The following ANO6 variants were observed in gnomAD, a reference collection of about 807,000 sequenced individuals.
The protein encoded by ANO6 is anoctamin-6.
ANO6 carries 106 observed loss-of-function variants against 117.5 expected under a neutral mutation model. The observed-to-expected ratio is 0.90, with a 90% CI of 0.77 to 1.06. The LOEUF is 1.06. Among genes scored for constraint, ANO6 ranks in the 50% least tolerant of loss-of-function variants. The pLI is 0.00. For missense variants in ANO6, 955 were observed against 1,121.1 expected (o/e 0.85, Z 2.12); for synonymous variants, 367 against 385.1 (o/e 0.95, Z 0.55).
At chr12:45,219,934 A>G (rs985160218) in intron 1 of ANO6, among the ~76,000 whole-genome samples, 2 of 152,104 alleles carry the variant, frequency 1.3e-5, no homozygotes, top group African/African-American at 4.8e-5. Context: ...GAGATCACAT[A>G]TTGTTGCAAG....
intron 1 of ANO6, among the ~76,000 whole-genome samples, chr12:45,217,743 G>GT (rs1332917466): frequency 6.6e-6 from 1 of 152,152 alleles, no homozygotes; most frequent in Non-Finnish European, 1.5e-5. Flanking sequence ...TGTTACTACT[G>GT]TTTAGCAAGA....
In ANO6 at chr12:45,388,269, G is replaced by A. The variant is rs142960268; in HGVS notation, c.1274G>A (p.Arg425Gln). 2.5e-3 allele frequency: 4,058 copies of A among 1,614,100 alleles called. 7 individuals are homozygous for A. Among genetic ancestry groups the A allele is most frequent in the Non-Finnish European group, 3.2e-3 (3,777 of 1,179,990 alleles). Residue 425 changes from arginine (R) to glutamine (Q), a missense_variant, in exon 11 of 20, where the codon CGA (arginine) becomes CAA (glutamine). Arg to Gln is a conservative substitution (Grantham distance 43). Coordinates refer to ENST00000320560, the MANE Select transcript of ANO6 (RefSeq NM_001025356.3). Reference protein sequence around the residue: ...EEQARPEYEARCTHVVINEIT... With the variant: ...EEQARPEYEAQCTHVVINEIT... ...CAAGCCCGACCAGAATACGAAGCAC[G>A]ATGTACTCACGTAGTGATAAATGAG...
At chr12:45,393,398 G>A (rs1239404477) in intron 12 of ANO6, among the ~76,000 whole-genome samples, 11 of 152,172 alleles carry the variant, frequency 7.2e-5, no homozygotes, top group Admixed American at 7.2e-4. Flanking sequence ...CAGAGAGAAT[G>A]GAACCAAGTT....
At chr12:45,303,881 C>T (rs191749363) in intron 2 of ANO6, among the ~76,000 whole-genome samples, 409 of 152,282 alleles carry the variant, frequency 2.7e-3, no homozygotes, top group Non-Finnish European at 4.7e-3. Flanking sequence ...CAGTCTCACG[C>T]TTACAGAATT....
chr12:45,420,794 TG>T (rs1943338808), intron 17 of ANO6, among the ~76,000 whole-genome samples: 1 of 151,814 alleles, frequency 6.6e-6, no homozygotes, highest in African/African-American at 2.4e-5. Flanking sequence ...GCAGATCACC[TG>T]AGACCAGGAG....
chr12:45,307,262 A>AC (rs999670419), intron 2 of ANO6, among the ~76,000 whole-genome samples: 3 of 151,994 alleles, frequency 2.0e-5, no homozygotes, highest in African/African-American at 7.3e-5. Context: ...GGGCAGAGAG[A>AC]CCTATTAGAC....
At chr12:45,415,999 C>T (rs758131079) in intron 16 of ANO6, among the ~76,000 whole-genome samples, 10 of 152,166 alleles carry the variant, frequency 6.6e-5, no homozygotes, top group Non-Finnish European at 1.2e-4. Flanking sequence ...TTAATAAGGC[C>T]GTGTCAATTA....
chr12:45,331,495 A>G (rs1940665401), intron 3 of ANO6, 72 bp downstream of exon 3: 1 of 1,318,984 alleles, frequency 7.6e-7, no homozygotes. Context: ...TATTTTGTAT[A>G]AGTAATAAAG....
chr12:45,374,052 C>A (rs1415128164), intron 9 of ANO6, among the ~76,000 whole-genome samples: 1 of 151,820 alleles, frequency 6.6e-6, no homozygotes, highest in African/African-American at 2.4e-5. Flanking sequence ...ATACAAACTA[C>A]CATCAGAGAA....
chr12:45,371,273 G>A (rs905378370), intron 9 of ANO6, among the ~76,000 whole-genome samples: 11 of 152,318 alleles, frequency 7.2e-5, no homozygotes, highest in South Asian at 2.1e-4. Context: ...AGGCGGCAGC[G>A]AGGCTAGGGG....
At chr12:45,269,061 G>A (rs1048423570) in intron 1 of ANO6, among the ~76,000 whole-genome samples, 11 of 152,188 alleles carry the variant, frequency 7.2e-5, no homozygotes, top group Admixed American at 5.9e-4. Context: ...GCAGCCTTGA[G>A]ATTAAGTGCA....
At chr12:45,273,206 GGGGATCTAATGTACAGTATGAAT>G (rs1158365421) in intron 1 of ANO6, among the ~76,000 whole-genome samples, 9 of 152,180 alleles carry the variant, frequency 5.9e-5, no homozygotes, top group Non-Finnish European at 1.0e-4. Context: ...ACTAAGTTCT[GGGGATCTAATGTACAGTATGAAT>G]GGTGATGGAG....
intron 3 of ANO6, among the ~76,000 whole-genome samples, chr12:45,343,408 T>C (rs1188863603): frequency 3.3e-5 from 5 of 152,148 alleles, no homozygotes. Context: ...CAGGCATGGA[T>C]CCTGCTATGA....
intron 10 of ANO6, among the ~76,000 whole-genome samples, chr12:45,384,913 C>A (rs915144732): frequency 1.2e-4 from 18 of 152,132 alleles, no homozygotes; most frequent in African/African-American, 4.1e-4. Context: ...AATCAAGGTA[C>A]ATCTGTACAG....
chr12:45,417,185 C>T (rs1487206489), intron 17 of ANO6, among the ~76,000 whole-genome samples: 1 of 152,164 alleles, frequency 6.6e-6, no homozygotes, highest in African/African-American at 2.4e-5. Flanking sequence ...AGTACTAACA[C>T]TTTTAATCCT....
At chr12:45,391,826 T>C (rs1942459451) in intron 12 of ANO6, among the ~76,000 whole-genome samples, 1 of 152,136 alleles carries the variant, frequency 6.6e-6, no homozygotes, top group African/African-American at 2.4e-5. Context: ...ACCACTGCAC[T>C]CCAGCCTGGG....
At chr12:45,415,004 C>T (rs545414846) in intron 16 of ANO6, among the ~76,000 whole-genome samples, 10 of 152,228 alleles carry the variant, frequency 6.6e-5, no homozygotes, top group Middle Eastern at 3.4e-3. Context: ...ATAATCCTCC[C>T]GCCTCAGCCT....
chr12:45,231,154 G>T (rs1947567782), intron 1 of ANO6, among the ~76,000 whole-genome samples: 1 of 151,926 alleles, frequency 6.6e-6, no homozygotes, highest in South Asian at 2.1e-4. Flanking sequence ...TACAAAACTA[G>T]AATTTTTATT....
At chr12:45,323,700 C>A (rs1305152803) in intron 2 of ANO6, among the ~76,000 whole-genome samples, 3 of 152,136 alleles carry the variant, frequency 2.0e-5, no homozygotes, top group Non-Finnish European at 1.5e-5. Flanking sequence ...CACAAAGGCA[C>A]ATGGCTAGTT....
Sources: gnomAD v4.1 joint callset for allele counts (sites outside exome capture counted in the v4.1 genomes callset) on GRCh38, gnomAD v4.1.1 for gene constraint, MANE v1.5 for transcripts, NCBI Gene and HGNC (gene_info 2026-07-23, HGNC 2026-07-21) for gene names.